PPIL4: variants seen among roughly 807,000 people sequenced by gnomAD.
PPIL4 encodes peptidylprolyl isomerase like 4.
A neutral mutation model predicts 69.1 loss-of-function variants in PPIL4; 50 were observed. The observed-to-expected ratio is 0.72, with a 90% confidence interval of 0.58 to 0.92. The LOEUF is 0.92. Among genes scored for constraint, PPIL4 ranks in the 40% least tolerant of loss-of-function variants. PPIL4 has a pLI of 0.00. For missense variants in PPIL4, 480 were observed against 587.9 expected, an observed-to-expected ratio of 0.82 and a Z score of 1.90; for synonymous variants, 193 against 191.6, an observed-to-expected ratio of 1.01 and a Z score of -0.06.
At chr6:149,533,653 T>C (rs760310099) in intron 6 of PPIL4, 79 bp from the exon 7 acceptor site, 21 of 789,160 alleles carry the variant, frequency 2.7e-5, no homozygotes, top group Non-Finnish European at 4.3e-5. Flanking sequence ...ACTTTATTCT[T>C]AGTTATATCA....
At chr6:149,534,444 T>A (rs1777243836) in intron 6 of PPIL4, among the ~76,000 whole-genome samples, 1 of 152,182 alleles carries the variant, frequency 6.6e-6, no homozygotes, top group South Asian at 2.1e-4. Context: ...CATGTAAGCT[T>A]CTAGAGCTGA....
Position 149,512,290 on chromosome 6 carries a change from A to G in PPIL4, c.1092T>C (p.Asp364=), listed in dbSNP as rs1776857991. ...CTTCGGCCTGCTCATCTAATATAAG[A>G]TCGTATTTTGTACTGCAGTAGTTAG... is the stretch of plus-strand genomic sequence containing the variant. ...KVKPKQDTKY[D]LILDEQAEDS... is the part of the protein sequence containing the mutation. Residue 364 remains aspartate, a synonymous_variant, in exon 12 of 13, where the codon GAT becomes GAC. Coordinates refer to ENST00000253329, the MANE Select transcript of PPIL4 (RefSeq NM_139126.4). 1.2e-6 allele frequency: 2 copies of G among 1,611,904 alleles called. No homozygotes were observed. Among genetic ancestry groups the G allele is most frequent in the African/African-American group, 1.3e-5 (1 of 74,786 alleles).
chr6:149,534,767 G>T lies in PPIL4; in HGVS notation c.472C>A (p.His158Asn). The change falls in exon 6 of 13, where the codon CAT (histidine) becomes AAT (asparagine). Residue 158 changes from histidine (H) to asparagine (N), a missense_variant. Transcript: ENST00000253329. The part of the protein sequence containing the change: ...FVPYQDIRIN[H>N]TVILDDPFDD... ...AATGGATCATCTAAAATCACCGTATGATTTATCCTTACAAAATAAATCCAA... is the reference window on the plus strand; with the variant it reads ...AATGGATCATCTAAAATCACCGTATTATTTATCCTTACAAAATAAATCCAA... The T allele has an allele frequency of 1.3e-6, 2 of 1,527,660 alleles. No homozygotes were observed. Among genetic ancestry groups the T allele is most frequent in the South Asian group, 1.2e-5 (1 of 85,050 alleles). 94.6% of individuals were successfully genotyped at this position (1,527,660 alleles called of 1,614,324 possible).
At chr6:149,518,756 T>C (rs1442215545) in intron 10 of PPIL4, among the ~76,000 whole-genome samples, 1 of 152,232 alleles carries the variant, frequency 6.6e-6, no homozygotes, top group Non-Finnish European at 1.5e-5. Context: ...AGTTACCGTA[T>C]AACAGAAAGG....
chr6:149,521,351 G>A (rs1777027217), intron 9 of PPIL4, among the ~76,000 whole-genome samples, 180 bp from the exon 10 acceptor site: 2 of 152,152 alleles, frequency 1.3e-5, no homozygotes, highest in South Asian at 4.1e-4. Flanking sequence ...ACAACCCCAT[G>A]AGGTACTATC....
intron 10 of PPIL4, among the ~76,000 whole-genome samples, chr6:149,518,106 G>A (rs925709771): frequency 7.2e-5 from 11 of 152,154 alleles, no homozygotes; most frequent in African/African-American, 2.2e-4. Flanking sequence ...GAGAGGGTGG[G>A]TAATAGCACC....
intron 10 of PPIL4, among the ~76,000 whole-genome samples, chr6:149,518,685 T>A (rs1158943777): frequency 2.0e-5 from 3 of 152,192 alleles, no homozygotes; most frequent in Non-Finnish European, 1.5e-5. Context: ...ACAGCCATCA[T>A]TTATCATTGA....
chr6:149,515,434 T>A (rs1174018741), intron 11 of PPIL4, among the ~76,000 whole-genome samples: 1 of 152,254 alleles, frequency 6.6e-6, no homozygotes, highest in African/African-American at 2.4e-5. Flanking sequence ...ACAGCTTTAA[T>A]GCCACTTTTT....
chr6:149,531,700 C>T (rs1040964352), intron 7 of PPIL4, among the ~76,000 whole-genome samples: 3 of 152,084 alleles, frequency 2.0e-5, no homozygotes, highest in African/African-American at 7.2e-5. Context: ...GACGGAGTCT[C>T]GCCCTGTTGC....
At chr6:149,507,403 C>T (rs184801801) in intron 12 of PPIL4, among the ~76,000 whole-genome samples, 2 of 152,176 alleles carry the variant, frequency 1.3e-5, no homozygotes, top group Non-Finnish European at 2.9e-5. Context: ...AATGAGTAGG[C>T]ATTTTGGTTT....
chr6:149,526,763 G>A lies in PPIL4; in HGVS notation c.692C>T (p.Pro231Leu). ...AILLEMVGDLPDADIKPPENV... is the reference protein window; with the variant it reads ...AILLEMVGDLLDADIKPPENV... ...TTCTGGAGGTTTAATATCTGCATCA[G>A]GTAGGTCTCCCACCTAAATTACAAA... Residue 231 changes from proline to leucine, a missense_variant, in exon 8 of 13, where the codon CCT becomes CTT. Physicochemically the swap from Pro to Leu is moderately conservative, Grantham distance 98 (BLOSUM62 -3). Transcript: ENST00000253329. 6.2e-7 allele frequency: 1 copy of A among 1,612,422 alleles called. No individual in the cohort carries two copies. Among genetic ancestry groups the A allele is most frequent in the Non-Finnish European group, 8.5e-7 (1 of 1,179,242 alleles).
At chr6:149,530,859 G>T (rs1348074749) in intron 7 of PPIL4, among the ~76,000 whole-genome samples, 1 of 152,142 alleles carries the variant, frequency 6.6e-6, no homozygotes, top group Non-Finnish European at 1.5e-5. Flanking sequence ...ACATTTGAAA[G>T]ATCTCCAAGT....
chr6:149,540,532 T>C (rs1257391622), intron 4 of PPIL4, among the ~76,000 whole-genome samples: 1 of 152,144 alleles, frequency 6.6e-6, no homozygotes, highest in African/African-American at 2.4e-5. Flanking sequence ...GGAGAATTGC[T>C]TGAACCCGGG....
intron 7 of PPIL4, among the ~76,000 whole-genome samples, chr6:149,531,044 G>A (rs1203786586): frequency 6.6e-6 from 1 of 152,088 alleles, no homozygotes; most frequent in African/African-American, 2.4e-5. Flanking sequence ...TAATCATGAG[G>A]AAAGAGTAGA....
chr6:149,521,036 A>G, intron 10 of PPIL4, 24 bp downstream of exon 10: 3 of 1,343,882 alleles, frequency 2.2e-6, no homozygotes, highest in Non-Finnish European at 3.1e-6. Flanking sequence ...AAGCAGAACA[A>G]AAACAAAAGA....
rs114395785 is a variant in PPIL4 at position 149,523,847 on chromosome 6, G to T, written c.870+1296C>A. Reference sequence around the variant, plus strand: ...TGTCAATGATAGAATGCTAGTGCAGGTCTACAAGTTTTCACAGCAAACCAA... The same window carrying T: ...TGTCAATGATAGAATGCTAGTGCAGTTCTACAAGTTTTCACAGCAAACCAA... On this transcript the variant is annotated intron_variant, in intron 9 of 12. Coordinates refer to ENST00000253329, the MANE Select transcript of PPIL4 (RefSeq NM_139126.4). Among the ~76,000 whole-genome samples, 795 of 152,286 alleles carry T rather than the reference G, an allele frequency of 5.2e-3. 13 individuals are homozygous for T. Among genetic ancestry groups the T allele is most frequent in the African/African-American group, 0.018 (747 of 41,556 alleles).
chr6:149,521,759 G>GAATTCTGAAA (rs1428226653), intron 9 of PPIL4, among the ~76,000 whole-genome samples: 1 of 152,140 alleles, frequency 6.6e-6, no homozygotes, highest in Non-Finnish European at 1.5e-5. Context: ...TTACCTTTCT[G>GAATTCTGAAA]AATTCTGAAA....
chr6:149,532,880 T>C (rs1028984519), intron 7 of PPIL4, among the ~76,000 whole-genome samples: 1 of 152,206 alleles, frequency 6.6e-6, no homozygotes, highest in Non-Finnish European at 1.5e-5. Context: ...TTATATAAAA[T>C]AGTAACTTTA....
chr6:149,528,124 T>C (rs1023913084), intron 7 of PPIL4, among the ~76,000 whole-genome samples: 5 of 152,168 alleles, frequency 3.3e-5, no homozygotes, highest in African/African-American at 7.2e-5. Context: ...GGCATGGCAG[T>C]GTGAGTAGTC....
Sources: allele counts gnomAD v4.1 joint callset (sites outside exome capture counted in the v4.1 genomes callset), GRCh38; gene constraint gnomAD v4.1.1; transcripts MANE v1.5; gene names NCBI Gene and HGNC (gene_info 2026-07-23, HGNC 2026-07-21).